DZIP3: variants seen among roughly 807,000 people sequenced by gnomAD.
DZIP3 encodes DAZ interacting zinc finger protein 3, also known as E3 ubiquitin-protein ligase DZIP3.
In DZIP3, 118 loss-of-function variants were observed where a neutral mutation model predicts 162.0. The ratio of observed to expected loss-of-function variants is 0.73; its 90% CI spans 0.63 to 0.85. The LOEUF (loss-of-function observed/expected upper bound fraction) is 0.85. Ranked by LOEUF, DZIP3 falls within the 40% of genes least tolerant of loss-of-function variation. The pLI is 0.00. For missense variants in DZIP3, 1,331 were observed against 1,407.0 expected (o/e 0.95, Z 0.86); for synonymous variants, 438 against 458.6 (o/e 0.96, Z 0.57).
intron 12 of DZIP3, among the ~76,000 whole-genome samples, chr3:108,640,434 C>G (rs935538605): frequency 1.6e-5 from 1 of 61,318 alleles, no homozygotes. Flanking sequence ...CTCCTTTATT[C>G]TTATTTAACA....
chr3:108,625,230 C>T (rs1412221849), intron 6 of DZIP3, among the ~76,000 whole-genome samples: 1 of 152,008 alleles, frequency 6.6e-6, no homozygotes, highest in Non-Finnish European at 1.5e-5. Flanking sequence ...CTGATATTTA[C>T]TTCCAGACCT....
At chr3:108,635,327 A>G (rs746485262) in intron 10 of DZIP3, 1 of 270,044 alleles carries the variant, frequency 3.7e-6, no homozygotes, top group Admixed American at 4.3e-5. Flanking sequence ...ATAGAATAGA[A>G]TTTCTTAGTA....
At chr3:108,629,330 C>G (rs1941725636) in intron 8 of DZIP3, among the ~76,000 whole-genome samples, 154 bp downstream of exon 8, 1 of 152,092 alleles carries the variant, frequency 6.6e-6, no homozygotes, top group African/African-American at 2.4e-5. Flanking sequence ...ACGTATGATT[C>G]AACAAGGAGG....
chr3:108,649,496 T>A (rs1942772802), intron 17 of DZIP3, among the ~76,000 whole-genome samples: 1 of 151,872 alleles, frequency 6.6e-6, no homozygotes, highest in Admixed American at 6.6e-5. Context: ...CCAGTGAGTC[T>A]CTTAATTGCT....
At chr3:108,592,844 G>A (rs982135993) in intron 1 of DZIP3, among the ~76,000 whole-genome samples, 4 of 151,708 alleles carry the variant, frequency 2.6e-5, no homozygotes, top group Non-Finnish European at 4.4e-5. Context: ...GGTTTACTTA[G>A]ACTTTCTGCC....
intron 1 of DZIP3, among the ~76,000 whole-genome samples, chr3:108,598,226 A>G: frequency 6.6e-6 from 1 of 152,190 alleles, no homozygotes; most frequent in East Asian, 1.9e-4. Flanking sequence ...GGGACATGGA[A>G]GAAAATAGAA....
Position 108,646,624 on chromosome 3 carries a change from T to C in DZIP3, c.1767T>C (p.Ala589=). 1 of 1,570,980 alleles carries C rather than the reference T, an allele frequency of 6.4e-7. No homozygotes were observed. The highest frequency in any genetic ancestry group is 8.6e-7 in the Non-Finnish European group (1 of 1,160,046). ...TTTCTTTATGTATTATAGGAATTGCTCTACAGTCAATAACAGGCAGTCAGC... is the reference window on the plus strand; with the variant it reads ...TTTCTTTATGTATTATAGGAATTGCCCTACAGTCAATAACAGGCAGTCAGC... ...RMLSCYQQGI[A]LQSITGSQRI... Residue 589 remains alanine (A), a synonymous_variant, in exon 15 of 33, where the codon GCT becomes GCC. Coordinates refer to ENST00000361582, the MANE Select transcript of DZIP3 (RefSeq NM_014648.4).
At chr3:108,622,932 A>T (rs1941433215) in intron 5 of DZIP3, among the ~76,000 whole-genome samples, 1 of 146,102 alleles carries the variant, frequency 6.8e-6, no homozygotes, top group Non-Finnish European at 1.5e-5. Context: ...GGGGTGACAC[A>T]AGCATTCTTG....
intron 26 of DZIP3, among the ~76,000 whole-genome samples, chr3:108,679,581 GT>G (rs954214811): frequency 6.6e-6 from 1 of 152,104 alleles, no homozygotes; most frequent in Non-Finnish European, 1.5e-5. Context: ...AGAGGAGAGA[GT>G]TTGGGAGAAG....
In DZIP3 at chr3:108,644,382, C is replaced by A; in HGVS notation, c.1360C>A (p.Pro454Thr). Residue 454 changes from proline to threonine, a missense_variant, in exon 14 of 33, where the codon CCT becomes ACT. By Grantham distance (38) the Pro-to-Thr change is conservative (BLOSUM62 -1). Transcript: ENST00000361582. ...PLGGSWHLLY[P>T]PNKELPQSKQ... Reference sequence around the variant, plus strand: ...GGGTGGATCATGGCATCTGCTTTATCCTCCTAACAAGGAGTTACCGCAATC... The same window carrying A: ...GGGTGGATCATGGCATCTGCTTTATACTCCTAACAAGGAGTTACCGCAATC... 2.5e-6 allele frequency: 4 copies of A among 1,614,050 alleles called. No homozygotes were observed. The highest frequency in any genetic ancestry group is 3.4e-6 in the Non-Finnish European group (4 of 1,179,966).
intron 4 of DZIP3, among the ~76,000 whole-genome samples, chr3:108,615,999 T>C (rs1271158809): frequency 6.6e-6 from 1 of 152,138 alleles, no homozygotes; most frequent in Admixed American, 6.5e-5. Context: ...GCGCAGTGGC[T>C]CACGCCTGTA....
chr3:108,690,997 A>G (rs1368846958), intron 32 of DZIP3, 94 bp downstream of exon 32: 13 of 981,984 alleles, frequency 1.3e-5, no homozygotes, highest in Admixed American at 8.1e-5. Flanking sequence ...ATATAGTGCT[A>G]AAGAAGCCAG....
Position 108,690,704 on chromosome 3 carries a change from G to A in DZIP3, c.3517-83G>A, listed in dbSNP as rs1352485889. 5 of 1,238,434 alleles carry A rather than the reference G, an allele frequency of 4.0e-6. No individual in the cohort carries two copies. The South Asian group carries it at 5.3e-5, about 13-fold the overall frequency. 76.7% of individuals were successfully genotyped at this position (1,238,434 alleles called of 1,614,324 possible). A position where few individuals can be genotyped will look rare whatever the true frequency, so the allele number is the denominator to read the frequency against. On this transcript the variant is annotated intron_variant, in intron 31 of 32. Coordinates refer to ENST00000361582, the MANE Select transcript of DZIP3 (RefSeq NM_014648.4). ...TAAAGATCCACCAGAAGACATGTTG[G>A]TTGGTAACCCTGATGCATAGAGTGA...
chr3:108,616,306 A>AAATAAAT (rs1321745588), intron 4 of DZIP3, among the ~76,000 whole-genome samples: 1 of 147,382 alleles, frequency 6.8e-6, no homozygotes, highest in Non-Finnish European at 1.5e-5. Flanking sequence ...ATAAATAAAT[A>AAATAAAT]AAATAAAATT....
intron 26 of DZIP3, among the ~76,000 whole-genome samples, chr3:108,680,653 AAT>A (rs1463717598): frequency 6.6e-6 from 1 of 152,112 alleles, no homozygotes; most frequent in East Asian, 1.9e-4. Context: ...GAAATGGAAA[AAT>A]ACATCATATT....
intron 3 of DZIP3, 76 bp downstream of exon 3, chr3:108,608,234 T>G: frequency 8.4e-7 from 1 of 1,194,908 alleles, no homozygotes; most frequent in Non-Finnish European, 1.2e-6. Flanking sequence ...GTAATACATC[T>G]AGTCAGTTTA....
rs1301487318 is a variant in DZIP3 at position 108,684,790 on chromosome 3, A to G, written c.3009+449A>G. Among the ~76,000 whole-genome samples the G allele has an allele frequency of 2.0e-5, 3 of 152,316 alleles. No individual in the cohort carries two copies. In the East Asian group the frequency reaches 5.8e-4, roughly 29 times the overall value. ...CAGTATTTCAAGTGTATCTATAAAC[A>G]GACTATAAATAGCATCACCTTGAAA... On this transcript the variant is annotated intron_variant, in intron 27 of 32. Coordinates refer to ENST00000361582, the MANE Select transcript of DZIP3 (RefSeq NM_014648.4).
At chr3:108,661,827 A>C (rs1332966166) in intron 19 of DZIP3, 50 bp from the exon 20 acceptor site, 6 of 1,504,658 alleles carry the variant, frequency 4.0e-6, no homozygotes, top group Non-Finnish European at 5.5e-6. Flanking sequence ...CAAATAACTA[A>C]AATTTTTTTT....
intron 1 of DZIP3, among the ~76,000 whole-genome samples, chr3:108,591,827 C>T (rs1407794449): frequency 6.6e-6 from 1 of 152,044 alleles, no homozygotes; most frequent in Middle Eastern, 3.2e-3. Flanking sequence ...GAAACGCCAT[C>T]TCTACAAAAA....
Sources: gnomAD v4.1 joint callset for allele counts (sites outside exome capture counted in the v4.1 genomes callset) on GRCh38, gnomAD v4.1.1 for gene constraint, MANE v1.5 for transcripts, NCBI Gene and HGNC (gene_info 2026-07-23, HGNC 2026-07-21) for gene names.